SCN3A: variants seen among roughly 807,000 people sequenced by gnomAD.
SCN3A encodes sodium voltage-gated channel alpha subunit 3.
A neutral mutation model predicts 187.6 loss-of-function variants in SCN3A; 60 were observed. That is an observed-to-expected ratio of 0.32 (90% confidence interval 0.26 to 0.40). The LOEUF (loss-of-function observed/expected upper bound fraction) is 0.40. Ranked by LOEUF, SCN3A falls within the 10% of genes least tolerant of loss-of-function variation. The pLI is 1.00. For missense variants in SCN3A, 1,601 were observed against 2,428.2 expected, an observed-to-expected ratio of 0.66 and a Z score of 7.16; for synonymous variants, 788 against 829.2, an observed-to-expected ratio of 0.95 and a Z score of 0.85.
chr2:165,101,638 G>C (rs955013896), intron 21 of SCN3A, among the ~76,000 whole-genome samples: 1 of 152,174 alleles, frequency 6.6e-6, no homozygotes. Context: ...TACATAACTA[G>C]TGCTTTCCTT....
At chr2:165,192,928 G>A (rs1691705301) in intron 1 of SCN3A, among the ~76,000 whole-genome samples, 1 of 152,076 alleles carries the variant, frequency 6.6e-6, no homozygotes, top group Non-Finnish European at 1.5e-5. Flanking sequence ...CAACGTGGTA[G>A]CCATTGACCA....
At chr2:165,149,467 AC>A (rs1219573850) in intron 11 of SCN3A, among the ~76,000 whole-genome samples, 3 of 152,210 alleles carry the variant, frequency 2.0e-5, no homozygotes, top group Non-Finnish European at 4.4e-5. Flanking sequence ...GAGCCACCGC[AC>A]CCGGCCACAA....
intron 21 of SCN3A, among the ~76,000 whole-genome samples, chr2:165,106,308 G>T (rs1685855186): frequency 6.6e-6 from 1 of 152,040 alleles, no homozygotes; most frequent in East Asian, 1.9e-4. Flanking sequence ...ATTTAAAGAT[G>T]ATTAAATCAA....
At chr2:165,153,986 C>CTTTTTTTTTTTTTTT (rs1559237785) in intron 11 of SCN3A, among the ~76,000 whole-genome samples, 2 of 39,164 alleles carry the variant, frequency 5.1e-5, no homozygotes, top group African/African-American at 2.7e-4. Context: ...CTATAGCAAA[C>CTTTTTTTTTTTTTTT]ATTTTTTTTT....
intron 18 of SCN3A, among the ~76,000 whole-genome samples, chr2:165,116,943 A>T (rs1468147011): frequency 2.5e-5 from 3 of 118,208 alleles, no homozygotes; most frequent in African/African-American, 9.7e-5. Flanking sequence ...TGATAGCACA[A>T]TTTTTTTTTT....
In SCN3A at chr2:165,113,892, G is replaced by C. The variant is rs1267526438; in HGVS notation, c.3593C>G (p.Thr1198Ser). The change falls in exon 20 of 28, where the codon ACC becomes AGC. Residue 1198 changes from threonine to serine, a missense_variant. By Grantham distance (58) the Thr-to-Ser change is moderately conservative. This residue lies in a region of SCN3A where 267 missense variants were observed against 313.2 expected (regional missense o/e 0.85). Coordinates refer to ENST00000283254, the MANE Select transcript of SCN3A (RefSeq NM_006922.4). ...KGKIWWNLRK[T>S]CYSIVEHNWF... ...GTTGTGCTCAACAATACTGTAGCAG[G>C]TTTTTCGAAGATTCCACCAGATCTT... 2 of 1,613,688 alleles carry C rather than the reference G, an allele frequency of 1.2e-6. No homozygotes were observed. Among genetic ancestry groups the C allele is most frequent in the South Asian group, 2.2e-5 (2 of 91,062 alleles).
intron 13 of SCN3A, chr2:165,139,847 A>T (rs1356357593): frequency 6.0e-6 from 3 of 499,548 alleles, no homozygotes; most frequent in Non-Finnish European, 1.1e-5. Context: ...CAATTATATT[A>T]CAGAACTATT....
Position 165,189,235 on chromosome 2 carries a change from G to A in SCN3A, c.-247-2488C>T, listed in dbSNP as rs1574336620. Among the ~76,000 whole-genome samples the A allele has an allele frequency of 2.0e-5, 3 of 152,270 alleles. No homozygotes were observed. In the East Asian group the frequency reaches 5.8e-4, roughly 29 times the overall value. On this transcript the variant is annotated intron_variant, in intron 1 of 27. Transcript: ENST00000283254. ...TAGGATATAGTATAAAGGACATGAG[G>A]CAACATGCTCAACAGACATCTTAAA...
At chr2:165,166,907 T>TTA (rs1458857075) in intron 5 of SCN3A, among the ~76,000 whole-genome samples, 1 of 151,704 alleles carries the variant, frequency 6.6e-6, no homozygotes, top group East Asian at 1.9e-4. Context: ...ATTGCCTTTT[T>TTA]TTTTTGTTTT....
intron 18 of SCN3A, among the ~76,000 whole-genome samples, chr2:165,124,558 T>A (rs946815899): frequency 1.3e-5 from 2 of 152,182 alleles, no homozygotes; most frequent in Non-Finnish European, 2.9e-5. Flanking sequence ...AATCAGGTAA[T>A]TATAAAATCT....
intron 18 of SCN3A, among the ~76,000 whole-genome samples, chr2:165,125,890 CACTT>C (rs1225129756): frequency 2.3e-4 from 35 of 152,268 alleles, no homozygotes; most frequent in African/African-American, 7.5e-4. Flanking sequence ...GAGTTGAACT[CACTT>C]AGCAGACTTT....
intron 18 of SCN3A, among the ~76,000 whole-genome samples, chr2:165,120,346 AATAGAGTGACCTT>A (rs1478384627): frequency 2.6e-5 from 4 of 152,114 alleles, no homozygotes; most frequent in Non-Finnish European, 5.9e-5. Context: ...CCCGCCGCCC[AATAGAGTGACCTT>A]ATATAGAAAT....
chr2:165,197,454 C>G (rs1692034463), intron 1 of SCN3A, among the ~76,000 whole-genome samples: 1 of 152,052 alleles, frequency 6.6e-6, no homozygotes, highest in South Asian at 2.1e-4. Flanking sequence ...CCAAGCATTG[C>G]TCTTTTTTAA....
intron 21 of SCN3A, among the ~76,000 whole-genome samples, chr2:165,106,139 G>A (rs1262585362): frequency 2.6e-5 from 4 of 152,132 alleles, no homozygotes; most frequent in African/African-American, 4.8e-5. Context: ...CTCATCACTG[G>A]TGACTACAAT....
intron 2 of SCN3A, among the ~76,000 whole-genome samples, chr2:165,185,711 T>A (rs932136729): frequency 6.6e-6 from 1 of 152,128 alleles, no homozygotes; most frequent in Non-Finnish European, 1.5e-5. Flanking sequence ...CTTTCTTGAC[T>A]AAGACAGTTT....
Position 165,095,550 on chromosome 2 carries a change from A to G in SCN3A, c.4392T>C (p.Ile1464=). The change falls in exon 25 of 28, where the codon ATT becomes ATC. Residue 1464 remains isoleucine (I), a synonymous_variant. Transcript: ENST00000283254. ...GGTTGAAGTTATCTATGATGACACC[A>G]ATGAATAGATTCAGAGTGAAGAATG... ...FGSFFTLNLF[I]GVIIDNFNQQ... is the part of the protein sequence containing the mutation. 1.2e-6 allele frequency: 2 copies of G among 1,610,554 alleles called. No individual in the cohort carries two copies. The highest frequency in any genetic ancestry group is 1.7e-6 in the Non-Finnish European group (2 of 1,176,860).
intron 12 of SCN3A, among the ~76,000 whole-genome samples, chr2:165,141,387 T>C (rs1411423233): frequency 1.3e-5 from 2 of 152,218 alleles, no homozygotes; most frequent in East Asian, 3.9e-4. Context: ...TGCTATAATC[T>C]GAAGGGAATG....
chr2:165,190,895 C>T (rs928409819), intron 1 of SCN3A, among the ~76,000 whole-genome samples: 9 of 151,824 alleles, frequency 5.9e-5, no homozygotes, highest in African/African-American at 1.9e-4. Flanking sequence ...TCAGAATCAC[C>T]GGGCTAACTT....
intron 11 of SCN3A, 120 bp from the exon 12 acceptor site, chr2:165,147,149 C>T (rs1688402043): frequency 2.6e-6 from 3 of 1,133,428 alleles, no homozygotes; most frequent in Non-Finnish European, 3.8e-6. Flanking sequence ...TCCTCTAGTC[C>T]TTTTATTTTG....
Sources: gnomAD v4.1 joint callset for allele counts (sites outside exome capture counted in the v4.1 genomes callset) on GRCh38, gnomAD v4.1.1 for gene constraint, gnomAD v4.1.1 regional missense constraint, MANE v1.5 for transcripts, NCBI Gene and HGNC (gene_info 2026-07-23, HGNC 2026-07-21) for gene names.